The following FAM98B variants were observed in gnomAD, a reference collection of about 807,000 sequenced individuals.
The protein encoded by FAM98B is tRNA-splicing ligase complex subunit FAM98B.
A neutral mutation model predicts 43.9 loss-of-function variants in FAM98B; 32 were observed. The observed-to-expected ratio is 0.73, with a 90% CI of 0.55 to 0.98. The LOEUF is 0.98. FAM98B is among the 50% of genes least tolerant of loss of function. The probability of loss-of-function intolerance (pLI) is 0.00; values close to 1 mark genes in which losing one functional copy is unlikely to be tolerated. For synonymous variants in FAM98B, 190 were observed against 174.0 expected, an observed-to-expected ratio of 1.09 and a Z score of -0.72; for missense variants, 514 against 522.9, an observed-to-expected ratio of 0.98 and a Z score of 0.17.
intron 6 of FAM98B, among the ~76,000 whole-genome samples, chr15:38,478,636 A>T (rs1253481378): frequency 6.6e-6 from 1 of 152,158 alleles, no homozygotes. Context: ...CCTGTAATAA[A>T]ATCCTTGACA....
chr15:38,480,000 A>G (rs1030075250), intron 6 of FAM98B, among the ~76,000 whole-genome samples: 2 of 151,924 alleles, frequency 1.3e-5, no homozygotes, highest in East Asian at 1.9e-4. Context: ...TTTAACTTCT[A>G]TTTATGTCTT....
chr15:38,465,505 G>T, intron 3 of FAM98B, 102 bp downstream of exon 3: 1 of 1,095,692 alleles, frequency 9.1e-7, no homozygotes, highest in Non-Finnish European at 1.3e-6. Flanking sequence ...TATATTAAAA[G>T]GGTTTTAATA....
chr15:38,485,626 GCTAT>G lies in FAM98B; in HGVS notation c.*969_*972del, dbSNP rs1354807406. The G allele has an allele frequency of 6.6e-6, 1 of 152,176 alleles. No individual in the cohort carries two copies. Among genetic ancestry groups the G allele is most frequent in the African/African-American group, 2.4e-5 (1 of 41,438 alleles). 9.4% of individuals were successfully genotyped at this position (152,176 alleles called of 1,614,324 possible). A position where few individuals can be genotyped will look rare whatever the true frequency, so the allele number is the denominator to read the frequency against. ...GCTAGTTGGAGCAGTCAAAGTCTTA[GCTAT>G]CAAGAGTTGTGAATTTGAATCATGG... On this transcript the variant is annotated 3_prime_UTR_variant, in exon 8 of 8. Coordinates refer to ENST00000397609, the MANE Select transcript of FAM98B (RefSeq NM_173611.4).
intron 1 of FAM98B, among the ~76,000 whole-genome samples, chr15:38,457,369 C>A (rs1278808407): frequency 6.6e-6 from 1 of 152,050 alleles, no homozygotes; most frequent in Admixed American, 6.6e-5. Context: ...AATGATACAC[C>A]TTAGAATCTA....
chr15:38,465,371 T>TA lies in FAM98B; in HGVS notation c.326dup (p.Lys110GlufsTer27). 6 of 1,603,758 alleles carry TA rather than the reference T, an allele frequency of 3.7e-6. No individual in the cohort carries two copies. Among genetic ancestry groups the TA allele is most frequent in the Non-Finnish European group, 5.1e-6 (6 of 1,176,328 alleles). On this transcript the variant is annotated frameshift_variant, in exon 3 of 8. Transcript: ENST00000397609. LOFTEE classifies it high-confidence loss of function. ...ATATCAGGAGATATTAAAGATCGTTTAAAAAAGAAGGAGGACTGTTTGAAA... is the reference window on the plus strand; with the variant it reads ...ATATCAGGAGATATTAAAGATCGTTTAAAAAAAGAAGGAGGACTGTTTGAAA...
chr15:38,455,832 T>C (rs1889840335), intron 1 of FAM98B, among the ~76,000 whole-genome samples: 1 of 152,228 alleles, frequency 6.6e-6, no homozygotes. Context: ...ATCTTGATTT[T>C]TATCAAGGAA....
intron 1 of FAM98B, chr15:38,458,976 G>A (rs1480821704): frequency 5.1e-6 from 2 of 389,852 alleles, no homozygotes; most frequent in Non-Finnish European, 1.0e-5. Flanking sequence ...TAGCAGCCCT[G>A]GTGGAACCAC....
In FAM98B at chr15:38,487,333, A is replaced by C. The variant is rs1890393096; in HGVS notation, c.*2674A>C. 6.6e-6 allele frequency: 1 copy of C among 152,112 alleles called. No individual in the cohort carries two copies. The highest frequency in any genetic ancestry group is 2.4e-5 in the African/African-American group (1 of 41,440). The allele number at this position is 152,112 out of a possible 1,614,324, so 9.4% of individuals were successfully genotyped here. The stretch of plus-strand genomic sequence containing the variant: ...AAGAGGAGGCATGACAACCTAAAAA[A>C]AATTTGTGACCAGAAAAATGTCCTG... On this transcript the variant is annotated 3_prime_UTR_variant, in exon 8 of 8. Transcript: ENST00000397609.
chr15:38,469,046 C>T (rs1013428330), intron 3 of FAM98B, among the ~76,000 whole-genome samples: 2 of 152,176 alleles, frequency 1.3e-5, no homozygotes, highest in Non-Finnish European at 2.9e-5. Context: ...GCTGGGACTA[C>T]AGGCGCATGC....
In FAM98B at chr15:38,465,389, G is replaced by A. The variant is rs1414254454; in HGVS notation, c.338G>A (p.Cys113Tyr). The change falls in exon 3 of 8, where the codon TGT becomes TAT. Residue 113 changes from cysteine (C) to tyrosine (Y), a missense_variant. By Grantham distance (194) the Cys-to-Tyr change is radical (BLOSUM62 -2). Coordinates refer to ENST00000397609, the MANE Select transcript of FAM98B (RefSeq NM_173611.4). ...IKDRLKKKED[C>Y]LKLLLFLSTE... ...GATCGTTTAAAAAAGAAGGAGGACT[G>A]TTTGAAACTTCTATGTAAGTTATCT... The A allele has an allele frequency of 2.5e-6, 4 of 1,591,746 alleles. No individual in the cohort carries two copies. Among genetic ancestry groups the A allele is most frequent in the South Asian group, 1.2e-5 (1 of 85,524 alleles).
At position 38,466,182 on chromosome 15, in the gene FAM98B, T is replaced by TTGTGTGTGTGTGTG. The variant is rs35919139; in HGVS notation, c.352+803_352+816dup. On this transcript the variant is annotated intron_variant, in intron 3 of 7. Coordinates refer to ENST00000397609, the MANE Select transcript of FAM98B (RefSeq NM_173611.4). ...AAGTTTGTTTCATTAGAGATGAAAT[T>TTGTGTGTGTGTGTG]TGTGTGTGTGTGTGTGTGTGTGTGT... Among the ~76,000 whole-genome samples, 164 of 147,816 alleles carry TTGTGTGTGTGTGTG rather than the reference T, an allele frequency of 1.1e-3. 2 individuals are homozygous for TTGTGTGTGTGTGTG. Among genetic ancestry groups the TTGTGTGTGTGTGTG allele is most frequent in the African/African-American group, 3.8e-3 (153 of 39,952 alleles).
intron 3 of FAM98B, among the ~76,000 whole-genome samples, chr15:38,466,003 G>A (rs1890025932): frequency 6.6e-6 from 1 of 151,528 alleles, no homozygotes; most frequent in Non-Finnish European, 1.5e-5. Context: ...TTTACTTTAG[G>A]CTAATTTTAT....
chr15:38,479,759 A>C (rs1449609450), intron 6 of FAM98B, among the ~76,000 whole-genome samples: 1 of 152,180 alleles, frequency 6.6e-6, no homozygotes, highest in African/African-American at 2.4e-5. Flanking sequence ...AAGGAAATTT[A>C]CTGTGTCAAA....
rs1890384181 is a variant in FAM98B at position 38,486,906 on chromosome 15, A to T, written c.*2247A>T. ...AATTGAGTGCAATACGACATGGAGT[A>T]TGATGAATGGCACTCCACTGCTTCC... On this transcript the variant is annotated 3_prime_UTR_variant, in exon 8 of 8. Coordinates refer to ENST00000397609, the MANE Select transcript of FAM98B (RefSeq NM_173611.4). 1 of 152,132 alleles carries T rather than the reference A, an allele frequency of 6.6e-6. No homozygotes were observed. Among genetic ancestry groups the T allele is most frequent in the Non-Finnish European group, 1.5e-5 (1 of 67,972 alleles). The allele number at this position is 152,132 out of a possible 1,614,324, so 9.4% of individuals were successfully genotyped here. A position where few individuals can be genotyped will look rare whatever the true frequency, so the allele number is the denominator to read the frequency against.
At chr15:38,480,494 G>T (rs1245331019) in intron 6 of FAM98B, among the ~76,000 whole-genome samples, 3 of 151,994 alleles carry the variant, frequency 2.0e-5, no homozygotes, top group African/African-American at 4.8e-5. Flanking sequence ...TGTGCTTGGG[G>T]GTCAGGTAGA....
chr15:38,456,102 A>T (rs554967997), intron 1 of FAM98B, among the ~76,000 whole-genome samples: 91 of 152,378 alleles, frequency 6.0e-4, no homozygotes, highest in African/African-American at 2.2e-3. Context: ...CATGTAAAAT[A>T]AATTAATGGG....
At chr15:38,482,474 A>G (rs1949853725) in intron 7 of FAM98B, 1 of 152,200 alleles carries the variant, frequency 6.6e-6, no homozygotes, top group African/African-American at 2.4e-5. Flanking sequence ...ATGCCCACCA[A>G]CATACCATGT....
chr15:38,472,227 T>G (rs1174174079), intron 4 of FAM98B, among the ~76,000 whole-genome samples: 1 of 152,118 alleles, frequency 6.6e-6, no homozygotes, highest in African/African-American at 2.4e-5. Flanking sequence ...AAGTATACAT[T>G]GAGAATTCCT....
At chr15:38,456,184 G>C (rs1889845435) in intron 1 of FAM98B, among the ~76,000 whole-genome samples, 1 of 152,208 alleles carries the variant, frequency 6.6e-6, no homozygotes, top group Non-Finnish European at 1.5e-5. Flanking sequence ...TAGGCTAGGA[G>C]TCAGTCAGTT....
Sources: allele counts gnomAD v4.1 joint callset (sites outside exome capture counted in the v4.1 genomes callset), GRCh38; gene constraint gnomAD v4.1.1; transcripts MANE v1.5; gene names NCBI Gene and HGNC (gene_info 2026-07-23, HGNC 2026-07-21).